Variants in ZNF76 observed in about 807,000 individuals in gnomAD.
The protein encoded by ZNF76 is zinc finger protein 523.
ZNF76 carries 66 observed loss-of-function variants against 66.9 expected under a neutral mutation model. The ratio of observed to expected loss-of-function variants is 0.99; its 90% confidence interval spans 0.81 to 1.21. ZNF76 has a LOEUF of 1.21. Ranked by LOEUF, ZNF76 falls within the 50% of genes most tolerant of loss-of-function variation. ZNF76 has a pLI of 0.00. For synonymous variants in ZNF76, 275 were observed against 296.1 expected (o/e 0.93, Z 0.73); for missense variants, 729 against 760.3 (o/e 0.96, Z 0.48).
chr6:35,263,736 C>T lies in ZNF76; in HGVS notation c.-97+3895C>T, dbSNP rs552289781. The stretch of plus-strand genomic sequence containing the variant: ...CCCCACTCTGTGAGCTCTGTGAGAA[C>T]AGAGACTAGGTTTTCTTTTTTCTTT... On this transcript the variant is annotated intron_variant, in intron 1 of 13. Coordinates refer to ENST00000373953, the MANE Select transcript of ZNF76 (RefSeq NM_003427.5). Among the ~76,000 whole-genome samples the T allele has an allele frequency of 2.6e-5, 4 of 152,212 alleles. No homozygotes were observed. The East Asian group carries it at 7.7e-4, about 29-fold the overall frequency.
intron 1 of ZNF76, among the ~76,000 whole-genome samples, chr6:35,263,354 T>C (rs1341964326): frequency 6.6e-6 from 1 of 152,238 alleles, no homozygotes; most frequent in Non-Finnish European, 1.5e-5. Flanking sequence ...TAGAATGCTT[T>C]GGGTGTCAGC....
At chr6:35,269,793 G>A (rs972444004) in intron 1 of ZNF76, among the ~76,000 whole-genome samples, 2 of 152,288 alleles carry the variant, frequency 1.3e-5, no homozygotes, top group East Asian at 1.9e-4. Flanking sequence ...CCACCACTTC[G>A]TCCAGACCCA....
intron 1 of ZNF76, among the ~76,000 whole-genome samples, chr6:35,260,704 C>T (rs1785119211): frequency 6.6e-6 from 1 of 152,188 alleles, no homozygotes; most frequent in Non-Finnish European, 1.5e-5. Flanking sequence ...GAAGTCCCCT[C>T]CTCAGTCTGG....
At chr6:35,260,002 G>A (rs1446936134) in intron 1 of ZNF76, among the ~76,000 whole-genome samples, 161 bp downstream of exon 1, 1 of 150,954 alleles carries the variant, frequency 6.6e-6, no homozygotes, top group African/African-American at 2.4e-5. Context: ...CCCCACCCAG[G>A]GTCCCTGCCC....
At chr6:35,265,995 A>G (rs62403573) in intron 1 of ZNF76, among the ~76,000 whole-genome samples, 322 of 152,350 alleles carry the variant, frequency 2.1e-3, no homozygotes, top group Non-Finnish European at 4.0e-3. Flanking sequence ...TTAGGAGGCT[A>G]CTACAATAGT....
rs1024727226 is a variant in ZNF76 at position 35,262,348 on chromosome 6, A to G, written c.-97+2507A>G. Among the ~76,000 whole-genome samples the G allele has an allele frequency of 3.9e-5, 6 of 152,314 alleles. No individual in the cohort carries two copies. In the South Asian group the frequency reaches 6.2e-4, roughly 16 times the overall value. ...GCTTCAGGGGAGAAGAGCCTCAGAG[A>G]AAGTGAGAGTGACCTTCCTACTGCC... On this transcript the variant is annotated intron_variant, in intron 1 of 13. Coordinates refer to ENST00000373953, the MANE Select transcript of ZNF76 (RefSeq NM_003427.5).
intron 1 of ZNF76, among the ~76,000 whole-genome samples, chr6:35,271,226 G>T (rs970826796): frequency 6.6e-6 from 1 of 152,228 alleles, no homozygotes; most frequent in African/African-American, 2.4e-5. Flanking sequence ...ATGTGAAATT[G>T]CTGGGTCAGA....
chr6:35,286,144 A>G lies in ZNF76; in HGVS notation c.90A>G (p.Glu30=). The G allele has an allele frequency of 1.2e-6, 2 of 1,614,184 alleles. No homozygotes were observed. Among genetic ancestry groups the G allele is most frequent in the Non-Finnish European group, 1.7e-6 (2 of 1,180,036 alleles). Residue 30 remains glutamate (E), a synonymous_variant, in exon 3 of 14, where the codon GAA becomes GAG. Transcript: ENST00000373953. ...QQAVKGEKLL[E]GQVIQLEDGT... ...TCTTAACAGGAGAGAAGCTTCTTGAAGGGCAGGTGATCCAGCTCGAGGATG... is the reference window on the plus strand; with the variant it reads ...TCTTAACAGGAGAGAAGCTTCTTGAGGGGCAGGTGATCCAGCTCGAGGATG...
chr6:35,276,462 A>G (rs1442128950), intron 1 of ZNF76, among the ~76,000 whole-genome samples: 1 of 152,204 alleles, frequency 6.6e-6, no homozygotes, highest in Non-Finnish European at 1.5e-5. Context: ...GCCCTCATTT[A>G]ATCCCTTACA....
chr6:35,276,455 C>T (rs73409710), intron 1 of ZNF76, among the ~76,000 whole-genome samples: 16,385 of 152,206 alleles, frequency 0.11, 1,926 homozygotes, highest in African/African-American at 0.29. Context: ...CATATGTGCC[C>T]TCATTTAATC....
intron 13 of ZNF76, 58 bp downstream of exon 13, chr6:35,294,627 A>G (rs759265431): frequency 2.4e-5 from 29 of 1,218,578 alleles, no homozygotes; most frequent in Non-Finnish European, 3.2e-5. Flanking sequence ...AACAAGGAAT[A>G]AAGGGGAATT....
intron 1 of ZNF76, among the ~76,000 whole-genome samples, chr6:35,265,504 CT>C (rs1785876667): frequency 7.3e-6 from 1 of 137,024 alleles, no homozygotes; most frequent in African/African-American, 2.9e-5. Context: ...GAGACTCTGT[CT>C]CAAAAAAAAA....
intron 7 of ZNF76, chr6:35,291,071 C>T (rs1390699740): frequency 6.3e-6 from 4 of 634,078 alleles, no homozygotes; most frequent in African/African-American, 3.7e-5. Context: ...TTTTCATGCT[C>T]ATGTTCTGGT....
chr6:35,286,148 C>A lies in ZNF76; in HGVS notation c.94C>A (p.Gln32Lys). Reference sequence around the variant, plus strand: ...AACAGGAGAGAAGCTTCTTGAAGGGCAGGTGATCCAGCTCGAGGATGGGAC... The same window carrying A: ...AACAGGAGAGAAGCTTCTTGAAGGGAAGGTGATCCAGCTCGAGGATGGGAC... ...AVKGEKLLEG[Q>K]VIQLEDGTTA... Residue 32 changes from glutamine (Q) to lysine (K), a missense_variant, in exon 3 of 14, where the codon CAG becomes AAG. By Grantham distance (53) the Gln-to-Lys change is moderately conservative. Transcript: ENST00000373953. The A allele has an allele frequency of 1.2e-6, 2 of 1,614,164 alleles. No homozygotes were observed. Among genetic ancestry groups the A allele is most frequent in the Non-Finnish European group, 8.5e-7 (1 of 1,180,020 alleles).
In ZNF76 at chr6:35,290,356, C is replaced by T. The variant is rs1230810854; in HGVS notation, c.523C>T (p.Leu175Phe). Residue 175 changes from leucine to phenylalanine, a missense_variant, in exon 6 of 14, where the codon CTC (leucine) becomes TTC (phenylalanine). By Grantham distance (22) the Leu-to-Phe change is conservative. Coordinates refer to ENST00000373953, the MANE Select transcript of ZNF76 (RefSeq NM_003427.5). ...FRCGYKGCGR[L>F]YTTAHHLKVH... ...CTGTGGCTACAAGGGCTGTGGGCGT[C>T]TCTACACCACCGCTCATCACTTAAA... 8 of 1,614,114 alleles carry T rather than the reference C, an allele frequency of 5.0e-6. No individual in the cohort carries two copies. The Admixed American group carries it at 6.7e-5, about 13-fold the overall frequency.
intron 1 of ZNF76, among the ~76,000 whole-genome samples, chr6:35,263,580 G>T (rs1360453242): frequency 2.0e-5 from 3 of 152,170 alleles, no homozygotes; most frequent in African/African-American, 7.2e-5. Context: ...TAGAGTTGAG[G>T]AAAGGGTATA....
rs1358535831 is a variant in ZNF76 at position 35,292,730 on chromosome 6, G to A, written c.1108G>A (p.Glu370Lys). 8 of 1,613,962 alleles carry A rather than the reference G, an allele frequency of 5.0e-6. No homozygotes were observed. Among genetic ancestry groups the A allele is most frequent in the South Asian group, 1.1e-5 (1 of 91,076 alleles). Reference protein sequence around the residue: ...LAMHKRSAHGELEATEESEQA... With the variant: ...LAMHKRSAHGKLEATEESEQA... ...CATGCACAAGCGCAGTGCCCACGGCGAGCTGGAGGCCACGGAGGAGAGCGA... is the reference window on the plus strand; with the variant it reads ...CATGCACAAGCGCAGTGCCCACGGCAAGCTGGAGGCCACGGAGGAGAGCGA... Residue 370 changes from glutamate to lysine, a missense_variant, in exon 10 of 14, where the codon GAG becomes AAG. Glu to Lys is a moderately conservative substitution (Grantham distance 56). Coordinates refer to ENST00000373953, the MANE Select transcript of ZNF76 (RefSeq NM_003427.5). This position sits in a 1 kb window ranked among gnomAD's most constrained non-coding sequence, Gnocchi z 4.7.
At chr6:35,260,098 C>G (rs1581985802) in intron 1 of ZNF76, among the ~76,000 whole-genome samples, 2 of 152,196 alleles carry the variant, frequency 1.3e-5, no homozygotes, top group South Asian at 4.1e-4. Context: ...GACCCCACAC[C>G]CCACCCACTG....
chr6:35,260,687 C>A (rs1187497999), intron 1 of ZNF76, among the ~76,000 whole-genome samples: 2 of 152,136 alleles, frequency 1.3e-5, no homozygotes, highest in Admixed American at 6.5e-5. Context: ...GCTTTAGGGA[C>A]CTGTGAGAAG....
Sources: allele counts gnomAD v4.1 joint callset (sites outside exome capture counted in the v4.1 genomes callset), GRCh38; gene constraint gnomAD v4.1.1; non-coding constraint Gnocchi (gnomAD v3.1); transcripts MANE v1.5; gene names NCBI Gene and HGNC (gene_info 2026-07-23, HGNC 2026-07-21).